Variants in ANO2 observed in about 807,000 individuals in gnomAD.
ANO2 encodes the protein anoctamin-2.
In ANO2, 101 loss-of-function variants were observed where a neutral mutation model predicts 124.2. The ratio of observed to expected loss-of-function variants is 0.81; its 90% confidence interval spans 0.69 to 0.96. ANO2 has a LOEUF of 0.96. ANO2 is among the 40% of genes least tolerant of loss of function. The pLI is 0.00. For missense variants in ANO2, 1,293 were observed against 1,274.5 expected, an observed-to-expected ratio of 1.01 and a Z score of -0.22; for synonymous variants, 486 against 482.5, an observed-to-expected ratio of 1.01 and a Z score of -0.09.
intron 14 of ANO2, among the ~76,000 whole-genome samples, chr12:5,685,055 T>C (rs2137005465): frequency 6.6e-6 from 1 of 152,332 alleles, no homozygotes; most frequent in South Asian, 2.1e-4. Flanking sequence ...CAGAGTTCTT[T>C]TTGTTCCAGA....
At chr12:5,768,084 G>A (rs1037588001) in intron 10 of ANO2, among the ~76,000 whole-genome samples, 3 of 152,112 alleles carry the variant, frequency 2.0e-5, no homozygotes, top group Non-Finnish European at 2.9e-5. Context: ...CCCTAACATC[G>A]TGCCAGACAC....
At chr12:5,868,518 A>G (rs1235803481) in intron 3 of ANO2, among the ~76,000 whole-genome samples, 2 of 152,244 alleles carry the variant, frequency 1.3e-5, no homozygotes, top group African/African-American at 4.8e-5. Context: ...AATGTCTGGC[A>G]CATAGTAGGT....
chr12:5,804,241 A>G (rs1953126427), intron 9 of ANO2, among the ~76,000 whole-genome samples: 1 of 152,204 alleles, frequency 6.6e-6, no homozygotes, highest in South Asian at 2.1e-4. Flanking sequence ...GGCACCACCC[A>G]CATACCACTA....
intron 13 of ANO2, among the ~76,000 whole-genome samples, chr12:5,737,503 C>T (rs556603667): frequency 6.6e-6 from 1 of 152,362 alleles, no homozygotes; most frequent in South Asian, 2.1e-4. Flanking sequence ...TTTACACTTG[C>T]TCTCTAACAG....
In ANO2 at chr12:5,670,163, A is replaced by G. The variant is rs375013843; in HGVS notation, c.1546-22362T>C. Among the ~76,000 whole-genome samples, 5 of 152,352 alleles carry G rather than the reference A, an allele frequency of 3.3e-5. No individual in the cohort carries two copies. In the South Asian group the frequency reaches 8.3e-4, roughly 25 times the overall value. On this transcript the variant is annotated intron_variant, in intron 14 of 24. Transcript: ENST00000682330. The stretch of plus-strand genomic sequence containing the variant: ...CCTATGTGGCTGCATGATCTTAGGC[A>G]AGTCACTTGACCTGAGACTAGGTCA...
At chr12:5,827,410 A>T (rs933543638) in intron 7 of ANO2, among the ~76,000 whole-genome samples, 7 of 152,218 alleles carry the variant, frequency 4.6e-5, no homozygotes, top group Non-Finnish European at 7.3e-5. Flanking sequence ...AGGACCTCTA[A>T]GACGCTTTTC....
chr12:5,733,198 A>T, intron 13 of ANO2: 1 of 446,776 alleles, frequency 2.2e-6, no homozygotes, highest in Non-Finnish European at 4.2e-6. Flanking sequence ...ACTTGCCTGG[A>T]CCTGTTTCCT....
rs138543062 is a variant in ANO2, at chr12:5,624,024, T to G, written c.1817-8727A>C. Among the ~76,000 whole-genome samples, 64 of 152,226 alleles carry G rather than the reference T, an allele frequency of 4.2e-4. 1 individual carries two copies. The highest frequency in any genetic ancestry group is 1.4e-3 in the African/African-American group (60 of 41,536). ...ATGACCTGAGGGAGCTGAAAGCCCC[T>G]GAACTGGGGATCTAGAGGGTGTGCC... On this transcript the variant is annotated intron_variant, in intron 16 of 24. Transcript: ENST00000682330.
intron 14 of ANO2, among the ~76,000 whole-genome samples, chr12:5,678,694 T>A (rs1861172590): frequency 1.3e-5 from 2 of 152,146 alleles, no homozygotes. Context: ...TGAAAGAAAA[T>A]CCTTGACTTT....
intron 19 of ANO2, chr12:5,608,895 G>C (rs1314444370): frequency 2.0e-5 from 3 of 152,198 alleles, no homozygotes; most frequent in Admixed American, 2.0e-4. Flanking sequence ...CTAAGCTGTA[G>C]ATCAGATGAC....
At chr12:5,606,760 A>T (rs917640346) in intron 19 of ANO2, among the ~76,000 whole-genome samples, 58 of 152,328 alleles carry the variant, frequency 3.8e-4, no homozygotes, top group African/African-American at 1.3e-3. Context: ...TTTTCAATAC[A>T]CATACATGCA....
At chr12:5,869,538 TTCTG>T (rs1279918411) in intron 3 of ANO2, among the ~76,000 whole-genome samples, 1 of 152,164 alleles carries the variant, frequency 6.6e-6, no homozygotes, top group African/African-American at 2.4e-5. Flanking sequence ...TGGGTCAAAA[TTCTG>T]TCTGAGATCT....
intron 16 of ANO2, among the ~76,000 whole-genome samples, chr12:5,622,156 G>A (rs763615053): frequency 6.6e-6 from 1 of 152,108 alleles, no homozygotes; most frequent in African/African-American, 2.4e-5. Context: ...ATGTGGAGTG[G>A]CATATGTCTT....
chr12:5,887,082 T>A (rs146601663), intron 3 of ANO2, among the ~76,000 whole-genome samples: 1 of 152,348 alleles, frequency 6.6e-6, no homozygotes, highest in Non-Finnish European at 1.5e-5. Context: ...GCTAAAATGG[T>A]AAATTTATGT....
intron 14 of ANO2, among the ~76,000 whole-genome samples, chr12:5,666,542 G>A (rs1181495403): frequency 1.3e-5 from 2 of 152,070 alleles, no homozygotes; most frequent in Admixed American, 6.5e-5. Flanking sequence ...GCTGTGTGAC[G>A]TTTCATGACC....
At chr12:5,722,367 C>T (rs975298595) in intron 14 of ANO2, among the ~76,000 whole-genome samples, 28 of 152,062 alleles carry the variant, frequency 1.8e-4, no homozygotes, top group Non-Finnish European at 5.9e-5. Context: ...ATTAGCCGGG[C>T]GCAGTGGCGG....
At chr12:5,831,875 G>A (rs902535384) in intron 5 of ANO2, among the ~76,000 whole-genome samples, 10 of 152,030 alleles carry the variant, frequency 6.6e-5, no homozygotes, top group African/African-American at 1.9e-4. Context: ...GATGCTTGGC[G>A]GCTGCATCTC....
chr12:5,690,878 T>C (rs987160543), intron 14 of ANO2, among the ~76,000 whole-genome samples: 3 of 152,190 alleles, frequency 2.0e-5, no homozygotes, highest in African/African-American at 7.2e-5. Flanking sequence ...CCTAAAATAA[T>C]TTTTCAATTT....
intron 3 of ANO2, among the ~76,000 whole-genome samples, chr12:5,915,025 C>T (rs73047660): frequency 0.031 from 4,773 of 152,266 alleles, 158 homozygotes; most frequent in African/African-American, 0.084. Context: ...CTCGCAGTCC[C>T]GCCAGGACTA....
Sources: gnomAD v4.1 joint callset for allele counts (sites outside exome capture counted in the v4.1 genomes callset) on GRCh38, gnomAD v4.1.1 for gene constraint, MANE v1.5 for transcripts, NCBI Gene and HGNC (gene_info 2026-07-23, HGNC 2026-07-21) for gene names.